DGKB: variants seen among roughly 807,000 people sequenced by gnomAD.
DGKB encodes 90 kDa diacylglycerol kinase.
Under a neutral mutation model 114.3 loss-of-function variants are expected in DGKB, and 67 were observed. The ratio of observed to expected loss-of-function variants is 0.59; its 90% CI spans 0.48 to 0.72. The LOEUF (loss-of-function observed/expected upper bound fraction) is 0.72, where lower values mean the gene tolerates loss of function less well. Among genes scored for constraint, DGKB ranks in the 30% least tolerant of loss-of-function variants. The probability of loss-of-function intolerance (pLI) is 0.00; values close to 1 mark genes in which losing one functional copy is unlikely to be tolerated. For missense variants in DGKB, 907 were observed against 975.2 expected, an observed-to-expected ratio of 0.93 and a Z score of 0.93; for synonymous variants, 398 against 323.1, an observed-to-expected ratio of 1.23 and a Z score of -2.49.
chr7:14,570,822 T>C (rs1043718525), intron 20 of DGKB, among the ~76,000 whole-genome samples: 2 of 152,016 alleles, frequency 1.3e-5, no homozygotes, highest in Non-Finnish European at 2.9e-5. Context: ...GGTATAACTT[T>C]TATTGAAAAA....
chr7:14,699,484 T>C (rs918998701), intron 7 of DGKB, among the ~76,000 whole-genome samples: 5 of 152,228 alleles, frequency 3.3e-5, no homozygotes, highest in Non-Finnish European at 7.4e-5. Flanking sequence ...ACCTCCTTCA[T>C]AGAATTGCTT....
intron 1 of DGKB, among the ~76,000 whole-genome samples, chr7:14,896,467 C>A (rs12539615): frequency 0.016 from 2,446 of 151,416 alleles, 47 homozygotes; most frequent in Non-Finnish European, 0.021. Flanking sequence ...TTTGTAGCCT[C>A]AATAAATATT....
chr7:14,229,917 A>C (rs1354165083), intron 23 of DGKB, among the ~76,000 whole-genome samples: 1 of 152,156 alleles, frequency 6.6e-6, no homozygotes, highest in East Asian at 1.9e-4. Context: ...ATAATGCAAA[A>C]GTCAATGTAG....
rs373234986 is a variant in DGKB, at chr7:14,216,999, A to C, written c.2123-38848T>G. Reference sequence around the variant, plus strand: ...AAAAATGTACAAATATATAGTTTTAAAAGTTTTTCTGAACCTCTAAGCTAG... The same window carrying C: ...AAAAATGTACAAATATATAGTTTTACAAGTTTTTCTGAACCTCTAAGCTAG... On this transcript the variant is annotated intron_variant, in intron 23 of 25. Coordinates refer to ENST00000402815, the MANE Select transcript of DGKB (RefSeq NM_001350709.2). Among the ~76,000 whole-genome samples, 11 of 152,204 alleles carry C rather than the reference A, an allele frequency of 7.2e-5. No homozygotes were observed. The South Asian group carries it at 2.3e-3, about 32-fold the overall frequency.
At chr7:14,470,750 C>T (rs1032123676) in intron 21 of DGKB, among the ~76,000 whole-genome samples, 2 of 151,490 alleles carry the variant, frequency 1.3e-5, no homozygotes, top group Admixed American at 1.3e-4. Flanking sequence ...GATTGGATGC[C>T]AATTTTCAAT....
intron 2 of DGKB, among the ~76,000 whole-genome samples, chr7:14,790,234 T>C (rs1026341237): frequency 7.2e-5 from 11 of 152,218 alleles, no homozygotes; most frequent in Admixed American, 3.9e-4. Context: ...GTTCTCCCAC[T>C]GTCTACCTTT....
chr7:14,400,183 ATTTCC>A (rs1158086850), intron 21 of DGKB, among the ~76,000 whole-genome samples: 1 of 151,820 alleles, frequency 6.6e-6, no homozygotes, highest in Non-Finnish European at 1.5e-5. Context: ...CCATGATTTC[ATTTCC>A]TTGTGACTCT....
At chr7:14,350,803 T>C (rs1342103208) in intron 21 of DGKB, among the ~76,000 whole-genome samples, 1 of 152,052 alleles carries the variant, frequency 6.6e-6, no homozygotes, top group Non-Finnish European at 1.5e-5. Flanking sequence ...AAATCTCTTT[T>C]GATCTTTGCT....
At chr7:14,324,486 C>T (rs981864144) in intron 23 of DGKB, among the ~76,000 whole-genome samples, 12 of 151,126 alleles carry the variant, frequency 7.9e-5, no homozygotes, top group Admixed American at 2.0e-4. Flanking sequence ...ATTTAAGACC[C>T]GACACCAGCA....
intron 17 of DGKB, among the ~76,000 whole-genome samples, chr7:14,584,126 G>T (rs1248091315): frequency 1.3e-5 from 2 of 152,112 alleles, no homozygotes; most frequent in East Asian, 3.9e-4. Context: ...ATGTCTAAGA[G>T]AACTTTGTGT....
At chr7:14,856,173 A>G (rs1457221723) in intron 1 of DGKB, among the ~76,000 whole-genome samples, 1 of 152,112 alleles carries the variant, frequency 6.6e-6, no homozygotes, top group Non-Finnish European at 1.5e-5. Context: ...TAAGTGAATC[A>G]CTTTCAACTT....
At chr7:14,428,506 T>C (rs73280915) in intron 21 of DGKB, among the ~76,000 whole-genome samples, 1,688 of 152,280 alleles carry the variant, frequency 0.011, 31 homozygotes, top group African/African-American at 0.039. Context: ...CTCATACCAA[T>C]ATTTTTCTTG....
At chr7:14,925,406 T>A (rs1784696999) in intron 1 of DGKB, among the ~76,000 whole-genome samples, 1 of 152,200 alleles carries the variant, frequency 6.6e-6, no homozygotes, top group African/African-American at 2.4e-5. Context: ...ACTGATGAGT[T>A]TGGAGATTTT....
At chr7:14,450,944 G>A (rs1454003738) in intron 21 of DGKB, among the ~76,000 whole-genome samples, 14 of 152,038 alleles carry the variant, frequency 9.2e-5, no homozygotes, top group Non-Finnish European at 2.1e-4. Context: ...TAATTACACA[G>A]TCTACAACCA....
chr7:14,959,846 A>G (rs1786738748), intron 1 of DGKB, among the ~76,000 whole-genome samples: 1 of 152,000 alleles, frequency 6.6e-6, no homozygotes, highest in Admixed American at 6.6e-5. Flanking sequence ...CCCACTTCAT[A>G]TGAAAATGTC....
intron 21 of DGKB, among the ~76,000 whole-genome samples, chr7:14,462,097 A>G (rs1235921438): frequency 6.6e-6 from 1 of 152,164 alleles, no homozygotes; most frequent in African/African-American, 2.4e-5. Flanking sequence ...GTATTGATGG[A>G]ATGTATCTCA....
At chr7:14,241,947 CACACACATAT>C (rs578047127) in intron 23 of DGKB, among the ~76,000 whole-genome samples, 28,372 of 94,482 alleles carry the variant, frequency 0.3, 3,282 homozygotes, top group East Asian at 0.44. Context: ...GATATATACA[CACACACATAT>C]ACACACACAC....
intron 21 of DGKB, among the ~76,000 whole-genome samples, chr7:14,388,630 GATATT>G (rs1820821154): frequency 6.6e-6 from 1 of 151,804 alleles, no homozygotes; most frequent in Admixed American, 6.6e-5. Context: ...AAAAATGATT[GATATT>G]ATATCTTTTA....
intron 23 of DGKB, among the ~76,000 whole-genome samples, chr7:14,186,522 C>T (rs1312246428): frequency 6.6e-6 from 1 of 152,098 alleles, no homozygotes; most frequent in Non-Finnish European, 1.5e-5. Context: ...TACTGGGTGT[C>T]TACACAAAGG....
Sources: allele counts gnomAD v4.1 joint callset (sites outside exome capture counted in the v4.1 genomes callset), GRCh38; gene constraint gnomAD v4.1.1; transcripts MANE v1.5; gene names NCBI Gene and HGNC (gene_info 2026-07-23, HGNC 2026-07-21).